Variants in SLC36A1 observed in about 807,000 individuals in gnomAD.
SLC36A1 encodes proton-coupled amino acid transporter 1.
Under a neutral mutation model 47.5 loss-of-function variants are expected in SLC36A1, and 30 were observed. The ratio of observed to expected loss-of-function variants is 0.63; its 90% CI spans 0.47 to 0.86. The LOEUF (loss-of-function observed/expected upper bound fraction) is 0.86, where lower values mean the gene tolerates loss of function less well. Among genes scored for constraint, SLC36A1 ranks in the 40% least tolerant of loss-of-function variants. SLC36A1 has a pLI of 0.00. For synonymous variants in SLC36A1, 255 were observed against 249.7 expected, an observed-to-expected ratio of 1.02 and a Z score of -0.20; for missense variants, 517 against 606.0, an observed-to-expected ratio of 0.85 and a Z score of 1.54.
chr5:151,407,861 C>G, the SLC36A1 span, among the ~76,000 whole-genome samples: 1 of 152,134 alleles, frequency 6.6e-6, no homozygotes, highest in Non-Finnish European at 1.5e-5. Context: ...CATTTTACAC[C>G]TGGGAACCTG....
At chr5:151,552,581 G>T in the SLC36A1 span, among the ~76,000 whole-genome samples, 5,601 of 152,290 alleles carry the variant, frequency 0.037, 243 homozygotes, top group African/African-American at 0.1. Flanking sequence ...GTGTGTGTTT[G>T]TGCACACAAC....
At chr5:151,540,769 C>T in the SLC36A1 span, 5 of 1,609,970 alleles carry the variant, frequency 3.1e-6, no homozygotes, top group Non-Finnish European at 3.4e-6. Flanking sequence ...TCCCTCTAAA[C>T]AGATGGGGCA....
the SLC36A1 span, among the ~76,000 whole-genome samples, chr5:151,539,005 C>T: frequency 6.6e-6 from 1 of 152,050 alleles, no homozygotes; most frequent in Non-Finnish European, 1.5e-5. Flanking sequence ...TTCCCCAGGC[C>T]TCTTTTTTCT....
At chr5:151,423,549 A>G in the SLC36A1 span, among the ~76,000 whole-genome samples, 2 of 152,260 alleles carry the variant, frequency 1.3e-5, no homozygotes, top group Non-Finnish European at 2.9e-5. Flanking sequence ...AAGGCTGCAT[A>G]TTGCTTATTT....
At chr5:151,492,652 A>T (rs1024213406), downstream of SLC36A1, among the ~76,000 whole-genome samples, 1 of 152,198 alleles carries the variant, frequency 6.6e-6, no homozygotes, top group African/African-American at 2.4e-5. Context: ...CTCTCCTTGC[A>T]TAGCAGATGA....
chr5:151,523,699 C>G, the SLC36A1 span, among the ~76,000 whole-genome samples: 1 of 152,222 alleles, frequency 6.6e-6, no homozygotes, highest in Non-Finnish European at 1.5e-5. Flanking sequence ...TAGGCAATCA[C>G]ATCCATGCTC....
At chr5:151,422,099 AG>A in the SLC36A1 span, 1 of 152,274 alleles carries the variant, frequency 6.6e-6, no homozygotes, top group Non-Finnish European at 1.5e-5. Context: ...AGTAAAGCAA[AG>A]AAAGTTGTGT....
the SLC36A1 span, among the ~76,000 whole-genome samples, chr5:151,393,170 C>T: frequency 1.3e-5 from 2 of 151,694 alleles, no homozygotes; most frequent in African/African-American, 4.9e-5. Flanking sequence ...CCTTCTTTGT[C>T]TCTTTTGATC....
chr5:151,422,445 G>A, the SLC36A1 span, among the ~76,000 whole-genome samples: 9 of 152,360 alleles, frequency 5.9e-5, no homozygotes, highest in South Asian at 1.7e-3. Flanking sequence ...GCCTGGAACA[G>A]TGGCTCATGC....
At chr5:151,380,754 G>T in the SLC36A1 span, 4 of 540,444 alleles carry the variant, frequency 7.4e-6, no homozygotes, top group East Asian at 2.0e-4. Context: ...GAAGCCCCTT[G>T]CAGACAGATG....
At chr5:151,454,754 C>G (rs967167526) in intron 1 of SLC36A1, among the ~76,000 whole-genome samples, 2 of 146,692 alleles carry the variant, frequency 1.4e-5, no homozygotes, top group African/African-American at 2.6e-5. Flanking sequence ...GCTCTGTCGC[C>G]CAGGCTGGAG....
intron 1 of SLC36A1, chr5:151,451,060 G>C (rs1753583561): frequency 6.6e-6 from 1 of 152,258 alleles, no homozygotes; most frequent in African/African-American, 2.4e-5. Flanking sequence ...TACTTAATGG[G>C]CATGGGGGCC....
chr5:151,534,683 A>G, the SLC36A1 span: 1 of 1,552,344 alleles, frequency 6.4e-7, no homozygotes, highest in East Asian at 2.3e-5. Flanking sequence ...TCTCTGGGGA[A>G]ATATTACCCA....
In SLC36A1 at chr5:151,453,268, T is replaced by G. The variant is rs552130568; in HGVS notation, c.-6+5455T>G. The stretch of plus-strand genomic sequence containing the variant: ...AATAAAATGCTAAGGTGGAATCAAG[T>G]TGGGCCCAGAAATCTATTTTTTTTT... On this transcript the variant is annotated intron_variant, in intron 1 of 10. Coordinates refer to ENST00000243389, the MANE Select transcript of SLC36A1 (RefSeq NM_078483.4). Among the ~76,000 whole-genome samples the G allele has an allele frequency of 2.2e-3, 341 of 151,864 alleles. 3 individuals are homozygous for G. The highest frequency in any genetic ancestry group is 3.7e-3 in the Non-Finnish European group (255 of 68,004).
the SLC36A1 span, among the ~76,000 whole-genome samples, chr5:151,533,590 A>G: frequency 1.3e-5 from 2 of 152,148 alleles, no homozygotes; most frequent in African/African-American, 4.8e-5. Flanking sequence ...CAAACAGAGC[A>G]GGGTGTTTTG....
At chr5:151,437,916 C>T (rs1581013884) in intron 1 of SLC36A1, among the ~76,000 whole-genome samples, 1 of 152,050 alleles carries the variant, frequency 6.6e-6, no homozygotes, top group Non-Finnish European at 1.5e-5. Flanking sequence ...TTCTAGAGGC[C>T]TCCTGCGTTT....
the SLC36A1 span, chr5:151,542,214 T>C: frequency 2.0e-6 from 3 of 1,469,616 alleles, no homozygotes; most frequent in Non-Finnish European, 2.7e-6. Flanking sequence ...CATGAACCCA[T>C]TTTAGGGCAC....
chr5:151,486,997 A>G (rs78042511), intron 10 of SLC36A1, among the ~76,000 whole-genome samples: 5,679 of 152,308 alleles, frequency 0.037, 112 homozygotes, highest in Non-Finnish European at 0.05. Flanking sequence ...ATTCAGGAGC[A>G]GTTAATATCC....
the SLC36A1 span, among the ~76,000 whole-genome samples, chr5:151,555,944 A>G: frequency 1.4e-4 from 21 of 152,294 alleles, no homozygotes; most frequent in African/African-American, 4.6e-4. Flanking sequence ...GCATCCTAGA[A>G]AGAGCACAGA....
Sources: gnomAD v4.1 joint callset for allele counts (sites outside exome capture counted in the v4.1 genomes callset) on GRCh38, gnomAD v4.1.1 for gene constraint, MANE v1.5 for transcripts, NCBI Gene and HGNC (gene_info 2026-07-23, HGNC 2026-07-21) for gene names.